SMTN: variants seen among roughly 807,000 people sequenced by gnomAD.
The protein encoded by SMTN is smoothelin.
SMTN carries 58 observed loss-of-function variants against 102.0 expected under a neutral mutation model. That is an observed-to-expected ratio of 0.57 (90% CI 0.46 to 0.71). SMTN has a LOEUF of 0.71. Ranked by LOEUF, SMTN falls within the 30% of genes least tolerant of loss-of-function variation. The probability of loss-of-function intolerance (pLI) is 0.00; values close to 1 mark genes in which losing one functional copy is unlikely to be tolerated. For missense variants in SMTN, 1,185 were observed against 1,241.7 expected, an observed-to-expected ratio of 0.95 and a Z score of 0.69; for synonymous variants, 478 against 497.9, an observed-to-expected ratio of 0.96 and a Z score of 0.53.
chr22:31,074,742 A>G (rs1220543170), intron 1 of SMTN, among the ~76,000 whole-genome samples: 1 of 152,072 alleles, frequency 6.6e-6, no homozygotes, highest in Non-Finnish European at 1.5e-5. Flanking sequence ...GGTTGCAGTG[A>G]GCTGAGATTG....
In SMTN at chr22:31,098,691, C is replaced by G; in HGVS notation, c.2184C>G (p.Ala728=). The G allele has an allele frequency of 6.2e-7, 1 of 1,613,542 alleles. No individual in the cohort carries two copies. The highest frequency in any genetic ancestry group is 8.5e-7 in the Non-Finnish European group (1 of 1,179,916). Residue 728 remains alanine, a synonymous_variant, in exon 17 of 21, where the codon GCC becomes GCG. Coordinates refer to ENST00000333137, the MANE Select transcript of SMTN (RefSeq NM_134269.3). ...MGSIFDREDQ[A]SPRAGSLAAL... The stretch of plus-strand genomic sequence containing the variant: ...GCATCTTCGACCGCGAGGACCAGGC[C>G]AGCCCACGGGCCGGCAGCCTGGCGG...
rs1478161870 is a variant in SMTN, at chr22:31,091,089, C to T, written c.1066C>T (p.Leu356=). 3.1e-6 allele frequency: 5 copies of T among 1,613,948 alleles called. No individual in the cohort carries two copies. ...CCAGGATGGCACACCCCAGGCTGCC[C>T]TAAGTCCCCTGACCCCCGCAAGGCT... ...RLQDGTPQAA[L]SPLTPARLLG... The change falls in exon 10 of 21, where the codon CTA becomes TTA. Residue 356 remains leucine, a synonymous_variant. Transcript: ENST00000333137.
chr22:31,104,584 A>C lies in SMTN; in HGVS notation c.*289A>C. On this transcript the variant is annotated 3_prime_UTR_variant, in exon 21 of 21. Transcript: ENST00000333137. ...TCTGTTGCGACACCCTCCCCCCCACATACACACGCAGCGTTTTGATAAATT... is the reference window on the plus strand; with the variant it reads ...TCTGTTGCGACACCCTCCCCCCCACCTACACACGCAGCGTTTTGATAAATT... 8 of 951,440 alleles carry C rather than the reference A, an allele frequency of 8.4e-6. No homozygotes were observed. Among genetic ancestry groups the C allele is most frequent in the African/African-American group, 1.6e-5 (1 of 62,004 alleles). The allele number at this position is 951,440 out of a possible 1,614,324, so 58.9% of individuals were successfully genotyped here.
chr22:31,097,729 T>C (rs531181176), intron 16 of SMTN, among the ~76,000 whole-genome samples: 1 of 150,212 alleles, frequency 6.7e-6, no homozygotes, highest in South Asian at 2.1e-4. Context: ...AATAAATAAA[T>C]AAATAAATAA....
intron 1 of SMTN, among the ~76,000 whole-genome samples, chr22:31,072,763 CTT>C (rs2042034256): frequency 6.6e-6 from 1 of 151,912 alleles, no homozygotes; most frequent in Admixed American, 6.6e-5. Context: ...TGCCCAGCCT[CTT>C]TTTCTTTTTT....
Position 31,091,022 on chromosome 22 carries a change from T to G in SMTN, c.999T>G (p.Arg333=). 6.2e-7 allele frequency: 1 copy of G among 1,614,018 alleles called. No homozygotes were observed. The highest frequency in any genetic ancestry group is 1.1e-5 in the South Asian group (1 of 91,084). The part of the protein sequence containing the change: ...SFQRAGSVRD[R]VHKFTSDSPM... ...AGCGGGCTGGCTCTGTGCGGGATCG[T>G]GTCCACAAGTTCACATCTGATTCTC... Residue 333 remains arginine (R), a synonymous_variant, in exon 10 of 21, where the codon CGT becomes CGG. Coordinates refer to ENST00000333137, the MANE Select transcript of SMTN (RefSeq NM_134269.3).
intron 1 of SMTN, among the ~76,000 whole-genome samples, chr22:31,071,800 A>G (rs1269852923): frequency 6.8e-6 from 1 of 147,578 alleles, no homozygotes; most frequent in Non-Finnish European, 1.5e-5. Flanking sequence ...GGCTCAAGGG[A>G]TTCTCCCACC....
At chr22:31,068,349 G>A (rs1380714398) in intron 1 of SMTN, 1 of 151,892 alleles carries the variant, frequency 6.6e-6, no homozygotes, top group Non-Finnish European at 1.5e-5. Context: ...TTTTAGGGGA[G>A]CTTCTGATCA....
At chr22:31,074,271 C>A (rs918445277) in intron 1 of SMTN, among the ~76,000 whole-genome samples, 23 of 151,908 alleles carry the variant, frequency 1.5e-4, no homozygotes, top group African/African-American at 5.3e-4. Context: ...CCCAGCTACT[C>A]GGGAGGCTGA....
At position 31,097,565 on chromosome 22, in the gene SMTN, G is replaced by A. The variant is rs1445218966; in HGVS notation, c.2159+227G>A. 3.3e-5 allele frequency among the ~76,000 whole-genome samples: 5 copies of A among 151,910 alleles called. No individual in the cohort carries two copies. The South Asian group carries it at 6.2e-4, about 19-fold the overall frequency. The stretch of plus-strand genomic sequence containing the variant: ...CTAAAAATACAAAAATTAGCCGGGC[G>A]TGGTGGCAGGCACCTGTAATCCCAA... On this transcript the variant is annotated intron_variant, in intron 16 of 20. Coordinates refer to ENST00000333137, the MANE Select transcript of SMTN (RefSeq NM_134269.3).
Position 31,100,975 on chromosome 22 carries a change from G to A in SMTN, c.2694G>A (p.Gln898=). The part of the protein sequence containing the change: ...PDWKCVYTYI[Q]EFYRCLVQKG... ...GGAAGTGCGTGTACACGTACATCCA[G>A]GAATTCTACCGCTGTCTGGTCCAGA... Residue 898 remains glutamine (Q), a synonymous_variant, in exon 20 of 21, where the codon CAG becomes CAA. Coordinates refer to ENST00000333137, the MANE Select transcript of SMTN (RefSeq NM_134269.3). The A allele has an allele frequency of 6.2e-7, 1 of 1,613,454 alleles. No individual in the cohort carries two copies. Among genetic ancestry groups the A allele is most frequent in the Non-Finnish European group, 8.5e-7 (1 of 1,179,832 alleles).
intron 11 of SMTN, 82 bp downstream of exon 11, chr22:31,091,929 CT>C: frequency 1.4e-5 from 18 of 1,290,364 alleles, no homozygotes; most frequent in African/African-American, 3.0e-5. Context: ...AGCAGGGTTC[CT>C]CTGCTCCTCC....
At chr22:31,093,351 G>T in intron 11 of SMTN, 1 of 338,452 alleles carries the variant, frequency 3.0e-6, no homozygotes. Flanking sequence ...CCTTGCCTTT[G>T]CCCTCGGACC....
rs1602619714 is a variant in SMTN at position 31,089,080 on chromosome 22, G to T, written c.471+111G>T. 3.6e-6 allele frequency: 3 copies of T among 826,606 alleles called. No individual in the cohort carries two copies. In the East Asian group the frequency reaches 8.0e-5, roughly 22 times the overall value. 51.2% of individuals were successfully genotyped at this position (826,606 alleles called of 1,614,324 possible). On this transcript the variant is annotated intron_variant, in intron 6 of 20. Coordinates refer to ENST00000333137, the MANE Select transcript of SMTN (RefSeq NM_134269.3). Reference sequence around the variant, plus strand: ...ATTTCACTGTAAGGGGCCCACCCCTGCCATCCAGCCTCTATTTAGCAGTCA... The same window carrying T: ...ATTTCACTGTAAGGGGCCCACCCCTTCCATCCAGCCTCTATTTAGCAGTCA...
chr22:31,092,576 G>A (rs2043219510), intron 11 of SMTN: 2 of 470,288 alleles, frequency 4.3e-6, no homozygotes, highest in South Asian at 1.5e-5. Flanking sequence ...GACTTTGGCT[G>A]AGGTGAGATG....
chr22:31,088,638 C>A, intron 4 of SMTN, 32 bp downstream of exon 4: 1 of 1,611,038 alleles, frequency 6.2e-7, no homozygotes, highest in Non-Finnish European at 8.5e-7. Context: ...GGGATGGGGG[C>A]AGGGCAGGTG....
intron 20 of SMTN, chr22:31,102,263 G>A (rs1209382579): frequency 6.6e-6 from 1 of 152,318 alleles, no homozygotes; most frequent in African/African-American, 2.4e-5. Context: ...GGGTGGGAGG[G>A]AGAGGGAAGA....
chr22:31,088,741 G>A lies in SMTN; in HGVS notation c.337G>A (p.Ala113Thr), dbSNP rs757834372. ...GTATGAGGAGCGCAAGCTGATCCGA[G>A]CTGCCATCCGCCGTGTACGGGCTCA... is the stretch of plus-strand genomic sequence containing the variant. ...GEYEERKLIR[A>T]AIRRVRAQEI... The change falls in exon 5 of 21, where the codon GCT becomes ACT. Residue 113 changes from alanine to threonine, a missense_variant. By Grantham distance (58) the Ala-to-Thr change is moderately conservative. This residue lies in a region of SMTN where 1,096 missense variants were observed against 1,112.7 expected (regional missense o/e 0.98). Coordinates refer to ENST00000333137, the MANE Select transcript of SMTN (RefSeq NM_134269.3). 3 of 1,613,436 alleles carry A rather than the reference G, an allele frequency of 1.9e-6. No homozygotes were observed. The highest frequency in any genetic ancestry group is 2.5e-6 in the Non-Finnish European group (3 of 1,179,680).
In SMTN at chr22:31,087,734, C is replaced by G. The variant is rs562619260; in HGVS notation, c.52-231C>G. ...AGTGGGCAGTTTCTGGCTGTCCACT[C>G]ACAGTTGTGTGCTCTGTGAACCACA... On this transcript the variant is annotated intron_variant, in intron 2 of 20. Transcript: ENST00000333137. 4 of 408,422 alleles carry G rather than the reference C, an allele frequency of 9.8e-6. No individual in the cohort carries two copies. In the East Asian group the frequency reaches 1.5e-4, roughly 15 times the overall value. The allele number at this position is 408,422 out of a possible 1,614,324, so 25.3% of individuals were successfully genotyped here.
Sources: allele counts gnomAD v4.1 joint callset (sites outside exome capture counted in the v4.1 genomes callset), GRCh38; gene constraint gnomAD v4.1.1; regional missense constraint gnomAD v4.1.1; transcripts MANE v1.5; gene names NCBI Gene and HGNC (gene_info 2026-07-23, HGNC 2026-07-21).